The following SHC2 variants were observed in gnomAD, a reference collection of about 807,000 sequenced individuals.
SHC2 encodes SHC adaptor protein 2, also known as SHC-transforming protein 2.
A neutral mutation model predicts 60.6 loss-of-function variants in SHC2; 62 were observed. The observed-to-expected ratio is 1.02, with a 90% CI of 0.83 to 1.26. The LOEUF (loss-of-function observed/expected upper bound fraction) is 1.26, where lower values mean the gene tolerates loss of function less well. Among genes scored for constraint, SHC2 ranks in the 50% most tolerant of loss-of-function variants. SHC2 has a pLI of 0.00. For missense variants in SHC2, 873 were observed against 822.2 expected, an observed-to-expected ratio of 1.06 and a Z score of -0.76; for synonymous variants, 375 against 372.4, an observed-to-expected ratio of 1.01 and a Z score of -0.08.
chr19:442,776 T>G (rs1974922087), intron 1 of SHC2, among the ~76,000 whole-genome samples: 1 of 98,246 alleles, frequency 1.0e-5, no homozygotes, highest in African/African-American at 4.1e-5. Context: ...GGTGGATGGA[T>G]GGATGGATGG....
intron 4 of SHC2, 106 bp from the exon 5 acceptor site, chr19:436,789 G>A: frequency 8.9e-7 from 1 of 1,128,260 alleles, no homozygotes; most frequent in Non-Finnish European, 1.3e-6. Context: ...GGGCAGGGAT[G>A]TGGGGATGGA....
chr19:454,362 C>G (rs1232947740), intron 1 of SHC2, among the ~76,000 whole-genome samples: 2 of 152,196 alleles, frequency 1.3e-5, no homozygotes, highest in African/African-American at 4.8e-5. Flanking sequence ...CCCACAGAGA[C>G]AGGGGACCCT....
In SHC2 at chr19:441,907, T is replaced by A. The variant is rs1288379254; in HGVS notation, c.469-975A>T. Among the ~76,000 whole-genome samples, 2 of 152,244 alleles carry A rather than the reference T, an allele frequency of 1.3e-5. No individual in the cohort carries two copies. The stretch of plus-strand genomic sequence containing the variant: ...TTTAGGACTTTACCCCACAGATACA[T>A]CAGCCTGAGGGCTTCTGAGGTGTGT... On this transcript the variant is annotated intron_variant, in intron 1 of 12. Coordinates refer to ENST00000264554, the MANE Select transcript of SHC2 (RefSeq NM_012435.3). This position sits in a 1 kb window ranked among gnomAD's most constrained non-coding sequence, Gnocchi z 4.9.
At position 420,747 on chromosome 19, in the gene SHC2, A is replaced by G. The variant is rs370984314; in HGVS notation, c.1620+1399T>C. Among the ~76,000 whole-genome samples, 169 of 152,336 alleles carry G rather than the reference A, an allele frequency of 1.1e-3. 1 individual carries two copies. The highest frequency in any genetic ancestry group is 3.5e-3 in the African/African-American group (147 of 41,588). ...ATCAAAATTCAGGCGGGGAGAGTGT[A>G]TATCTTAGAACTGAAGCAGTTAGGC... On this transcript the variant is annotated intron_variant, in intron 11 of 12. Coordinates refer to ENST00000264554, the MANE Select transcript of SHC2 (RefSeq NM_012435.3).
At position 438,907 on chromosome 19, in the gene SHC2, G is replaced by T. The variant is rs113202357; in HGVS notation, c.600+63C>A. On this transcript the variant is annotated intron_variant, in intron 3 of 12. Transcript: ENST00000264554. The surrounding 1 kb of genome is among the most constrained non-coding windows in gnomAD (Gnocchi z 5.0). Reference sequence around the variant, plus strand: ...CTGTCGAGGGGCTCCCAGGATGGCCGCAGCGTCCCCACAGCCCCCGACTGC... The same window carrying T: ...CTGTCGAGGGGCTCCCAGGATGGCCTCAGCGTCCCCACAGCCCCCGACTGC... 1 of 1,552,706 alleles carries T rather than the reference G, an allele frequency of 6.4e-7. No homozygotes were observed. The highest frequency in any genetic ancestry group is 2.4e-5 in the East Asian group (1 of 41,558).
In SHC2 at chr19:446,360, G is replaced by C. The variant is rs1975051852; in HGVS notation, c.469-5428C>G. Among the ~76,000 whole-genome samples, 1 of 152,166 alleles carries C rather than the reference G, an allele frequency of 6.6e-6. No individual in the cohort carries two copies. Among genetic ancestry groups the C allele is most frequent in the Non-Finnish European group, 1.5e-5 (1 of 68,030 alleles). On this transcript the variant is annotated intron_variant, in intron 1 of 12. Transcript: ENST00000264554. The surrounding 1 kb of genome is among the most constrained non-coding windows in gnomAD (Gnocchi z 5.4). ...GGAGTCTTGCTCTGTCGCCAGGCTG[G>C]AGTGCGGTGGTGCGATCACGACTCA...
chr19:441,154 C>G lies in SHC2; in HGVS notation c.469-222G>C. The G allele has an allele frequency of 2.0e-6, 2 of 985,126 alleles. No homozygotes were observed. Among genetic ancestry groups the G allele is most frequent in the Non-Finnish European group, 2.4e-6 (2 of 829,852 alleles). 61.0% of individuals were successfully genotyped at this position (985,126 alleles called of 1,614,324 possible). On this transcript the variant is annotated intron_variant, in intron 1 of 12. Coordinates refer to ENST00000264554, the MANE Select transcript of SHC2 (RefSeq NM_012435.3). The surrounding 1 kb of genome is among the most constrained non-coding windows in gnomAD (Gnocchi z 4.9). ...ACTCCAGGCATGTTTTTCTGTGTTG[C>G]TGTTTCTCAGGAGCCTGGTGGTTCC... is the stretch of plus-strand genomic sequence containing the variant.
intron 5 of SHC2, 83 bp downstream of exon 5, chr19:436,547 G>T: frequency 6.3e-7 from 1 of 1,581,762 alleles, no homozygotes; most frequent in Non-Finnish European, 8.6e-7. Flanking sequence ...GGTACGTTAG[G>T]CGGGCTCTGG....
intron 1 of SHC2, among the ~76,000 whole-genome samples, chr19:456,739 G>A (rs112246180): frequency 0.11 from 14,394 of 136,028 alleles, 848 homozygotes; most frequent in Middle Eastern, 0.26. Flanking sequence ...ACTCCACCGC[G>A]TCAGGCCTTT....
rs1408589090 is a variant in SHC2 at position 442,888 on chromosome 19, T to C, written c.469-1956A>G. Reference sequence around the variant, plus strand: ...GTGGGTGGATAGATGAGTGGATGGGTGGGTGGATGAATGGATGGATGGACG... The same window carrying C: ...GTGGGTGGATAGATGAGTGGATGGGCGGGTGGATGAATGGATGGATGGACG... On this transcript the variant is annotated intron_variant, in intron 1 of 12. Transcript: ENST00000264554. 1.7e-3 allele frequency among the ~76,000 whole-genome samples: 134 copies of C among 77,926 alleles called. 1 individual carries two copies. Among genetic ancestry groups the C allele is most frequent in the Non-Finnish European group, 2.6e-3 (104 of 40,428 alleles). The allele number at this position is 77,926 out of a possible 152,430, so 51.1% of individuals were successfully genotyped here. A position where few individuals can be genotyped will look rare whatever the true frequency, so the allele number is the denominator to read the frequency against.
chr19:422,584 G>A lies in SHC2; in HGVS notation c.1310-128C>T, dbSNP rs2287956. On this transcript the variant is annotated intron_variant, in intron 10 of 12. Transcript: ENST00000264554. This position sits in a 1 kb window ranked among gnomAD's most constrained non-coding sequence, Gnocchi z 5.0. Reference sequence around the variant, plus strand: ...ACCCGTCGGCCTGCGCTGACCGAGCGCCCACAGCGTATCAGACTCGCACTC... The same window carrying A: ...ACCCGTCGGCCTGCGCTGACCGAGCACCCACAGCGTATCAGACTCGCACTC... 0.68 allele frequency: 502,102 copies of A among 737,270 alleles called. 171,482 individuals are homozygous for A. The highest frequency in any genetic ancestry group is 0.69 in the Non-Finnish European group (317,358 of 460,412). 45.7% of individuals were successfully genotyped at this position (737,270 alleles called of 1,614,324 possible). A position where few individuals can be genotyped will look rare whatever the true frequency, so the allele number is the denominator to read the frequency against.
chr19:459,352 AGCCAGCGTAGGGGGAAGGAC>A (rs1975478478), intron 1 of SHC2, among the ~76,000 whole-genome samples: 33 of 129,076 alleles, frequency 2.6e-4, no homozygotes, highest in African/African-American at 9.2e-4. Flanking sequence ...ACCCCACTGA[AGCCAGCGTAGGGGGAAGGAC>A]CCCACTGAAG....
At position 430,693 on chromosome 19, in the gene SHC2, T is replaced by C; in HGVS notation, c.1165A>G (p.Thr389Ala). Residue 389 changes from threonine to alanine, a missense_variant, in exon 9 of 13, where the codon ACC (threonine) becomes GCC (alanine). Coordinates refer to ENST00000264554, the MANE Select transcript of SHC2 (RefSeq NM_012435.3). ...CCCCAGCCCATCCTACCTGTACCGG[T>C]GGACCCCACGTCCCATGGCAGGCTG... ...ACSLPWDVGS[T>A]GTAPPGDGYV... 1 of 1,612,908 alleles carries C rather than the reference T, an allele frequency of 6.2e-7. No homozygotes were observed. The highest frequency in any genetic ancestry group is 1.1e-5 in the South Asian group (1 of 91,040).
chr19:447,425 C>T (rs1441071703), intron 1 of SHC2, among the ~76,000 whole-genome samples: 2 of 152,330 alleles, frequency 1.3e-5, no homozygotes, highest in Admixed American at 6.5e-5. Flanking sequence ...CTAAATACAC[C>T]GCCCTGCACA....
In SHC2 at chr19:425,383, GC is replaced by G. The variant is rs1974390007; in HGVS notation, c.1175-153del. Among the ~76,000 whole-genome samples, 1 of 152,202 alleles carries G rather than the reference GC, an allele frequency of 6.6e-6. No homozygotes were observed. Among genetic ancestry groups the G allele is most frequent in the South Asian group, 2.1e-4 (1 of 4,834 alleles). On this transcript the variant is annotated intron_variant, in intron 9 of 12. Transcript: ENST00000264554. The surrounding 1 kb of genome is among the most constrained non-coding windows in gnomAD (Gnocchi z 4.1). ...TGCTCTGGTCTCCCTGTGGTAACCC[GC>G]CCGTCTGCAGGTGCCACAGGGAGCA... is the stretch of plus-strand genomic sequence containing the variant.
At chr19:458,317 G>T in intron 1 of SHC2, among the ~76,000 whole-genome samples, 1 of 138,176 alleles carries the variant, frequency 7.2e-6, no homozygotes, top group African/African-American at 2.7e-5. Context: ...GGGTCTTGGG[G>T]AGGCGGAAGC....
intron 10 of SHC2, among the ~76,000 whole-genome samples, chr19:423,021 G>A (rs1974321833): frequency 6.6e-6 from 1 of 152,208 alleles, no homozygotes; most frequent in African/African-American, 2.4e-5. Flanking sequence ...GCAGAAAGCA[G>A]CATGGTTCAG....
At chr19:454,175 C>G (rs1355846491) in intron 1 of SHC2, among the ~76,000 whole-genome samples, 1 of 152,184 alleles carries the variant, frequency 6.6e-6, no homozygotes, top group Non-Finnish European at 1.5e-5. Flanking sequence ...ATGAAGCTGG[C>G]ACTGCAACAG....
At chr19:421,624 G>T (rs941503678) in intron 11 of SHC2, among the ~76,000 whole-genome samples, 1 of 151,656 alleles carries the variant, frequency 6.6e-6, no homozygotes, top group African/African-American at 2.4e-5. Flanking sequence ...CATGATAAAT[G>T]GGGGGGGAGA....
Sources: allele counts gnomAD v4.1 joint callset (sites outside exome capture counted in the v4.1 genomes callset), GRCh38; gene constraint gnomAD v4.1.1; non-coding constraint Gnocchi (gnomAD v3.1); transcripts MANE v1.5; gene names NCBI Gene and HGNC (gene_info 2026-07-23, HGNC 2026-07-21).